AHRR: variants seen among roughly 807,000 people sequenced by gnomAD.
The protein encoded by AHRR is ahR repressor.
A neutral mutation model predicts 44.0 loss-of-function variants in AHRR; 28 were observed. The observed-to-expected ratio is 0.64, with a 90% CI of 0.47 to 0.87. The LOEUF (loss-of-function observed/expected upper bound fraction) is 0.87, where lower values mean the gene tolerates loss of function less well. Among genes scored for constraint, AHRR ranks in the 40% least tolerant of loss-of-function variants. The pLI is 0.00. For synonymous variants in AHRR, 434 were observed against 407.0 expected, an observed-to-expected ratio of 1.07 and a Z score of -0.80; for missense variants, 990 against 953.9, an observed-to-expected ratio of 1.04 and a Z score of -0.50.
In AHRR at chr5:395,874, C is replaced by T. The variant is rs1432773972; in HGVS notation, c.352-17470C>T. Among the ~76,000 whole-genome samples, 7 of 152,212 alleles carry T rather than the reference C, an allele frequency of 4.6e-5. No individual in the cohort carries two copies. The highest frequency in any genetic ancestry group is 4.1e-4 in the South Asian group (2 of 4,828). On this transcript the variant is annotated intron_variant, in intron 4 of 10. Coordinates refer to ENST00000684583, the MANE Select transcript of AHRR (RefSeq NM_001377236.1). This position sits in a 1 kb window ranked among gnomAD's most constrained non-coding sequence, Gnocchi z 5.3. ...CAGGAGGTGAAGCAAAAGGGATGAG[C>T]GTCCCCTTCCTCCAGCTTCCTCCAT...
intron 3 of AHRR, among the ~76,000 whole-genome samples, chr5:354,424 C>T (rs906070754): frequency 6.6e-6 from 1 of 152,162 alleles, no homozygotes; most frequent in Non-Finnish European, 1.5e-5. Context: ...CCAGGCCGTG[C>T]CCGGACACAG....
In AHRR at chr5:353,775, C is replaced by T. The variant is rs767332745; in HGVS notation, c.108C>T (p.His36=). Residue 36 remains histidine, a synonymous_variant, in exon 3 of 11, where the codon CAC becomes CAT. Coordinates refer to ENST00000684583, the MANE Select transcript of AHRR (RefSeq NM_001377236.1). ...GAEKSNPSKR[H]RDRLNAELDH... ...AGAAGTCCAACCCCTCCAAGCGACA[C>T]CGGGACCGCCTCAACGCCGAGTTGG... The T allele has an allele frequency of 6.8e-6, 11 of 1,613,394 alleles. No homozygotes were observed.
chr5:424,178 G>GGCCGGT (rs1410560093), intron 7 of AHRR, among the ~76,000 whole-genome samples: 2 of 150,056 alleles, frequency 1.3e-5, no homozygotes, highest in East Asian at 2.0e-4. Context: ...GGTGGGAGAG[G>GGCCGGT]GCTGGGCACT....
At chr5:402,332 T>C (rs1415799481) in intron 4 of AHRR, among the ~76,000 whole-genome samples, 1 of 149,970 alleles carries the variant, frequency 6.7e-6, no homozygotes, top group African/African-American at 2.5e-5. Flanking sequence ...CCTCGTGCAC[T>C]GTTGGCGGGA....
At chr5:366,145 CA>C (rs1743354336) in intron 3 of AHRR, among the ~76,000 whole-genome samples, 1 of 146,712 alleles carries the variant, frequency 6.8e-6, no homozygotes, top group African/African-American at 2.5e-5. Flanking sequence ...TCACACCTAA[CA>C]TTCAGATGTT....
intron 1 of AHRR, among the ~76,000 whole-genome samples, chr5:324,033 CTCTG>C (rs1158313576): frequency 4.8e-4 from 66 of 136,516 alleles, no homozygotes; most frequent in African/African-American, 2.3e-3. Context: ...CTCTCTCTCT[CTCTG>C]TCTCTCTTTC....
At chr5:328,564 T>C (rs187672048) in intron 1 of AHRR, among the ~76,000 whole-genome samples, 220 of 152,334 alleles carry the variant, frequency 1.4e-3, no homozygotes, top group Non-Finnish European at 2.6e-3. Context: ...TTTTTAATAA[T>C]AGCCATTCTG....
rs374512073 is a variant in AHRR at position 406,037 on chromosome 5, C to T, written c.352-7307C>T. 5.9e-5 allele frequency among the ~76,000 whole-genome samples: 9 copies of T among 152,280 alleles called. No individual in the cohort carries two copies. Among genetic ancestry groups the T allele is most frequent in the African/African-American group, 1.2e-4 (5 of 41,552 alleles). ...ACAAGATAGACACAGATGTATGAAACGCTCTACAGCCACCCGAAAAAGGTA... is the reference window on the plus strand; with the variant it reads ...ACAAGATAGACACAGATGTATGAAATGCTCTACAGCCACCCGAAAAAGGTA... On this transcript the variant is annotated intron_variant, in intron 4 of 10. Coordinates refer to ENST00000684583, the MANE Select transcript of AHRR (RefSeq NM_001377236.1). This position sits in a 1 kb window ranked among gnomAD's most constrained non-coding sequence, Gnocchi z 4.7.
At chr5:347,027 C>CA (rs1209524431) in intron 2 of AHRR, among the ~76,000 whole-genome samples, 1 of 152,174 alleles carries the variant, frequency 6.6e-6, no homozygotes, top group Non-Finnish European at 1.5e-5. Flanking sequence ...TTTGTAATTT[C>CA]AATAGTTGTT....
chr5:426,486 AGATG>A (rs1352798655), intron 7 of AHRR, among the ~76,000 whole-genome samples: 43 of 147,944 alleles, frequency 2.9e-4, no homozygotes, highest in Admixed American at 4.0e-4. Flanking sequence ...ATAGATGGGA[AGATG>A]GATGGATGGA....
intron 4 of AHRR, among the ~76,000 whole-genome samples, chr5:382,098 C>G (rs1734008563): frequency 6.6e-6 from 1 of 152,148 alleles, no homozygotes; most frequent in African/African-American, 2.4e-5. Flanking sequence ...TGCCTATGTT[C>G]ATGAGAAATA....
At chr5:327,045 C>T (rs1308511142) in intron 1 of AHRR, among the ~76,000 whole-genome samples, 1 of 152,102 alleles carries the variant, frequency 6.6e-6, no homozygotes, top group Non-Finnish European at 1.5e-5. Flanking sequence ...GGCAACAGAG[C>T]GAGACTCTGT....
In AHRR at chr5:370,866, GCA is replaced by G. The variant is rs1743557087; in HGVS notation, c.245-5741_245-5740del. 6.6e-6 allele frequency among the ~76,000 whole-genome samples: 1 copy of G among 152,342 alleles called. No individual in the cohort carries two copies. The highest frequency in any genetic ancestry group is 1.5e-5 in the Non-Finnish European group (1 of 68,022). ...GAGGCCTGCCTTGGAGGCACCCAGAGCACAGAGGCTGGGCCTGGTGTGGAGCT... is the reference window on the plus strand; with the variant it reads ...GAGGCCTGCCTTGGAGGCACCCAGAGCAGAGGCTGGGCCTGGTGTGGAGCT... On this transcript the variant is annotated intron_variant, in intron 3 of 10. Coordinates refer to ENST00000684583, the MANE Select transcript of AHRR (RefSeq NM_001377236.1). This position sits in a 1 kb window ranked among gnomAD's most constrained non-coding sequence, Gnocchi z 4.5.
chr5:340,817 C>T (rs1742322423), intron 1 of AHRR, among the ~76,000 whole-genome samples: 2 of 146,046 alleles, frequency 1.4e-5, no homozygotes, highest in Admixed American at 1.4e-4. Context: ...CTACCTCAGC[C>T]TCCCAAGTAG....
rs1374103943 is a variant in AHRR, at chr5:343,882, T to C, written c.-10-11T>C. 1 of 1,595,398 alleles carries C rather than the reference T, an allele frequency of 6.3e-7. No individual in the cohort carries two copies. Among genetic ancestry groups the C allele is most frequent in the Non-Finnish European group, 8.5e-7 (1 of 1,172,400 alleles). ...CGCGTTCCGGTGACCGGGTGCCCCC[T>C]TGTCTTCCAGGCCGAGGACGATGAT... On this transcript the variant is annotated splice_polypyrimidine_tract_variant and intron_variant, in intron 1 of 10. Coordinates refer to ENST00000684583, the MANE Select transcript of AHRR (RefSeq NM_001377236.1).
rs1223595837 is a variant in AHRR, at chr5:431,593, CGGCCCCCAACAGCAGCCCCCAT to C, written c.909-861_909-840del. On this transcript the variant is annotated intron_variant, in intron 8 of 10. Transcript: ENST00000684583. ...CTGAGGCAGTGGCAGCAGCCTCCAG[CGGCCCCCAACAGCAGCCCCCAT>C]GGCCCCCAGCAGCGGCCCCTAGCAG... 3.9e-5 allele frequency among the ~76,000 whole-genome samples: 6 copies of C among 152,112 alleles called. No homozygotes were observed. In the East Asian group the frequency reaches 1.2e-3, roughly 29 times the overall value.
intron 3 of AHRR, among the ~76,000 whole-genome samples, chr5:364,995 A>C (rs919628220): frequency 6.6e-6 from 1 of 152,136 alleles, no homozygotes; most frequent in Non-Finnish European, 1.5e-5. Flanking sequence ...AAAATCTGTA[A>C]AGCAAATATT....
intron 5 of AHRR, among the ~76,000 whole-genome samples, chr5:415,303 T>TGGGG (rs1735679556): frequency 6.8e-6 from 1 of 147,968 alleles, no homozygotes; most frequent in African/African-American, 2.6e-5. Context: ...ATCTGCCTGG[T>TGGGG]CGGGTGGGAG....
At chr5:422,463 C>G in intron 5 of AHRR, 1 of 489,386 alleles carries the variant, frequency 2.0e-6, no homozygotes, top group Non-Finnish European at 3.7e-6. Context: ...ATGCCCGTCT[C>G]TTAGCCTCCC....
Sources: gnomAD v4.1 joint callset for allele counts (sites outside exome capture counted in the v4.1 genomes callset) on GRCh38, gnomAD v4.1.1 for gene constraint, Gnocchi (gnomAD v3.1) non-coding constraint, MANE v1.5 for transcripts, NCBI Gene and HGNC (gene_info 2026-07-23, HGNC 2026-07-21) for gene names.